TG: variants seen among roughly 807,000 people sequenced by gnomAD.
TG encodes thyroid hormones.
Under a neutral mutation model 324.7 loss-of-function variants are expected in TG, and 270 were observed. The observed-to-expected ratio is 0.83, with a 90% CI of 0.75 to 0.92. The LOEUF is 0.92. Among genes scored for constraint, TG ranks in the 40% least tolerant of loss-of-function variants. The probability of loss-of-function intolerance (pLI) is 0.00; values close to 1 mark genes in which losing one functional copy is unlikely to be tolerated. For synonymous variants in TG, 1,401 were observed against 1,327.0 expected (o/e 1.06, Z -1.21); for missense variants, 3,591 against 3,456.4 (o/e 1.04, Z -0.98).
intron 41 of TG, among the ~76,000 whole-genome samples, chr8:133,070,014 A>C (rs1474913135): frequency 4.3e-5 from 6 of 140,168 alleles, no homozygotes; most frequent in Non-Finnish European, 9.3e-5. Flanking sequence ...AAAAAAAAAA[A>C]AAAAAAAAAA....
chr8:132,890,045 G>C (rs1816010321), intron 10 of TG, among the ~76,000 whole-genome samples: 1 of 152,064 alleles, frequency 6.6e-6, no homozygotes, highest in African/African-American at 2.4e-5. Flanking sequence ...GCCTCCCAAA[G>C]TGCTGGGATT....
At position 133,038,506 on chromosome 8, in the gene TG, C is replaced by T. The variant is rs373150435; in HGVS notation, c.7239+8483C>T. 1.1e-5 allele frequency: 17 copies of T among 1,571,742 alleles called. No homozygotes were observed. In the African/African-American group the frequency reaches 2.0e-4, roughly 19 times the overall value. On this transcript the variant is annotated intron_variant, in intron 41 of 47. Transcript: ENST00000220616. ...ACTTCTGTTCCTTTTGGGCATGAACCATTGTGTCTGTTCTTGGCTAGTCCT... is the reference window on the plus strand; with the variant it reads ...ACTTCTGTTCCTTTTGGGCATGAACTATTGTGTCTGTTCTTGGCTAGTCCT...
At chr8:132,893,543 T>C in intron 10 of TG, 147 bp from the exon 11 acceptor site, 1 of 950,764 alleles carries the variant, frequency 1.1e-6, no homozygotes, top group Non-Finnish European at 1.6e-6. Context: ...GTGTGTGGTG[T>C]AGGGGGGTGG....
At chr8:132,971,944 T>A in intron 33 of TG, 71 bp downstream of exon 33, 1 of 1,100,200 alleles carries the variant, frequency 9.1e-7, no homozygotes. Flanking sequence ...TTCACATCTA[T>A]GCTTTTACAA....
intron 35 of TG, among the ~76,000 whole-genome samples, chr8:133,007,006 T>G (rs1834069251): frequency 6.6e-6 from 1 of 152,218 alleles, no homozygotes; most frequent in South Asian, 2.1e-4. Context: ...TTAATTTTTT[T>G]TTAGTAAACT....
intron 10 of TG, 43 bp from the exon 11 acceptor site, chr8:132,893,647 C>T (rs753363815): frequency 6.2e-7 from 1 of 1,612,260 alleles, no homozygotes; most frequent in Non-Finnish European, 8.5e-7. Context: ...GAGGGAAGTC[C>T]ACGTGGTGAG....
At chr8:132,881,990 G>A in intron 6 of TG, 21 bp downstream of exon 6, 1 of 1,500,808 alleles carries the variant, frequency 6.7e-7, no homozygotes, top group Admixed American at 1.7e-5. Flanking sequence ...CCCCTCAGGT[G>A]ATCTGAAGGG....
intron 6 of TG, 74 bp downstream of exon 6, chr8:132,882,043 C>A: frequency 8.9e-7 from 1 of 1,122,816 alleles, no homozygotes; most frequent in South Asian, 1.3e-5. Context: ...GATAACATTG[C>A]TTGTAAAGCA....
chr8:132,893,661 G>A (rs1247670601), intron 10 of TG, 29 bp from the exon 11 acceptor site: 7 of 1,613,352 alleles, frequency 4.3e-6, no homozygotes, highest in Non-Finnish European at 5.9e-6. Flanking sequence ...TGGTGAGTGA[G>A]TCCATCTGTG....
rs141609051 is a variant in TG, at chr8:133,116,637, G to T, written c.7783G>T (p.Asp2595Tyr). 2.2e-5 allele frequency: 35 copies of T among 1,614,106 alleles called. No individual in the cohort carries two copies. The East Asian group carries it at 7.8e-4, about 36-fold the overall frequency. ...RDYFIICPII[D>Y]MASAWAKRAR... is the part of the protein sequence containing the mutation. The stretch of plus-strand genomic sequence containing the variant: ...CTACTTTATCATCTGCCCTATAATC[G>T]ACATGGCCAGTGCCTGGGCAAAGAG... The change falls in exon 45 of 48, where the codon GAC becomes TAC. Residue 2595 changes from aspartate to tyrosine, a missense_variant. By Grantham distance (160) the Asp-to-Tyr change is radical. Transcript: ENST00000220616.
chr8:132,908,340 G>A lies in TG; in HGVS notation c.4002G>A (p.Gln1334=), dbSNP rs1818980972. ...ELTARGFCQI[Q]VKTFGTLVSI... ...CAGCCCGCGGCTTCTGCCAGATCCA[G>A]GTACATGCCTGGCCTTCCCCACAGT... Residue 1334 remains glutamine (Q), a splice_region_variant and synonymous_variant, in exon 18 of 48, where the codon CAG becomes CAA. Transcript: ENST00000220616. The A allele has an allele frequency of 6.5e-7, 1 of 1,541,204 alleles. No individual in the cohort carries two copies. The highest frequency in any genetic ancestry group is 1.5e-5 in the African/African-American group (1 of 68,098).
chr8:132,939,330 G>A (rs1192630394), intron 25 of TG, among the ~76,000 whole-genome samples: 2 of 152,192 alleles, frequency 1.3e-5, no homozygotes, highest in South Asian at 2.1e-4. Flanking sequence ...ATCAAACACT[G>A]GAGAATCACA....
At chr8:132,946,068 A>T (rs1006878264) in intron 26 of TG, among the ~76,000 whole-genome samples, 1 of 41,050 alleles carries the variant, frequency 2.4e-5, no homozygotes, top group Non-Finnish European at 7.1e-5. Context: ...ACACACACAC[A>T]CACACCCTAT....
intron 35 of TG, among the ~76,000 whole-genome samples, chr8:133,011,167 C>T (rs911684875): frequency 1.3e-4 from 20 of 152,146 alleles, no homozygotes; most frequent in Admixed American, 4.6e-4. Context: ...AATGATGGCC[C>T]CACTGATCTT....
intron 10 of TG, among the ~76,000 whole-genome samples, chr8:132,890,378 G>A (rs1816061484): frequency 6.6e-6 from 1 of 152,050 alleles, no homozygotes; most frequent in Non-Finnish European, 1.5e-5. Context: ...AAACTCTTTT[G>A]TTGATAAGGG....
At chr8:132,905,034 T>C (rs1432530108) in intron 16 of TG, among the ~76,000 whole-genome samples, 7 of 152,194 alleles carry the variant, frequency 4.6e-5, no homozygotes, top group Admixed American at 3.9e-4. Flanking sequence ...TAATGGGACC[T>C]ATCCCATAGG....
chr8:132,982,676 C>T (rs1408389407), intron 34 of TG, among the ~76,000 whole-genome samples: 1 of 152,144 alleles, frequency 6.6e-6, no homozygotes, highest in African/African-American at 2.4e-5. Context: ...TTATGCCTGG[C>T]ACAGTGCCAA....
intron 40 of TG, among the ~76,000 whole-genome samples, chr8:133,029,360 G>T (rs1377682666): frequency 6.6e-6 from 1 of 152,164 alleles, no homozygotes; most frequent in South Asian, 2.1e-4. Context: ...GGGATCCAGA[G>T]CTCCAGCCTG....
At chr8:132,960,102 A>G (rs1564005574) in intron 27 of TG, among the ~76,000 whole-genome samples, 4 of 152,350 alleles carry the variant, frequency 2.6e-5, no homozygotes, top group Admixed American at 2.0e-4. Flanking sequence ...TAAAACCTGG[A>G]TGACAGGTTG....
Sources: allele counts gnomAD v4.1 joint callset (sites outside exome capture counted in the v4.1 genomes callset), GRCh38; gene constraint gnomAD v4.1.1; transcripts MANE v1.5; gene names NCBI Gene and HGNC (gene_info 2026-07-23, HGNC 2026-07-21).